KPNA5: variants seen among roughly 807,000 people sequenced by gnomAD.
KPNA5 encodes karyopherin subunit alpha 5.
In KPNA5, 46 loss-of-function variants were observed where a neutral mutation model predicts 71.3. The ratio of observed to expected loss-of-function variants is 0.65; its 90% CI spans 0.51 to 0.83. The LOEUF is 0.83. Among genes scored for constraint, KPNA5 ranks in the 40% least tolerant of loss-of-function variants. The probability of loss-of-function intolerance (pLI) is 0.00; values close to 1 mark genes in which losing one functional copy is unlikely to be tolerated. For missense variants in KPNA5, 547 were observed against 628.3 expected (o/e 0.87, Z 1.38); for synonymous variants, 207 against 201.4 (o/e 1.03, Z -0.24).
intron 2 of KPNA5, 114 bp from the exon 3 acceptor site, chr6:116,691,941 A>C (rs888265128): frequency 3.3e-5 from 23 of 705,812 alleles, no homozygotes; most frequent in Non-Finnish European, 5.0e-5. Context: ...TCAGAATTTT[A>C]AGTTATAAAA....
chr6:116,696,612 A>G (rs1246964592), intron 4 of KPNA5, among the ~76,000 whole-genome samples: 2 of 152,016 alleles, frequency 1.3e-5, no homozygotes, highest in Non-Finnish European at 2.9e-5. Context: ...ATCACAAACC[A>G]TCCTTTTCTT....
intron 4 of KPNA5, among the ~76,000 whole-genome samples, chr6:116,697,189 T>A (rs1046321532): frequency 1.3e-5 from 2 of 152,098 alleles, no homozygotes; most frequent in African/African-American, 4.8e-5. Context: ...TGCAACCCTA[T>A]AATTTTGTTT....
chr6:116,688,181 G>A (rs1389466117), intron 1 of KPNA5, among the ~76,000 whole-genome samples: 1 of 152,044 alleles, frequency 6.6e-6, no homozygotes, highest in African/African-American at 2.4e-5. Context: ...GGCACAATTA[G>A]TTGCCATATC....
chr6:116,732,074 T>TTA (rs2243369), intron 13 of KPNA5, 62 bp from the exon 14 acceptor site: 999 of 67,412 alleles, frequency 0.015, 48 homozygotes, highest in Non-Finnish European at 0.021. Flanking sequence ...AACAGTTTGT[T>TTA]TATATATATA....
intron 6 of KPNA5, among the ~76,000 whole-genome samples, chr6:116,703,261 A>G (rs927548810): frequency 3.3e-5 from 5 of 151,234 alleles, no homozygotes; most frequent in African/African-American, 1.2e-4. Context: ...GTCAAAAGAT[A>G]AATTTTTTTT....
At chr6:116,697,852 G>C (rs773799405) in intron 4 of KPNA5, among the ~76,000 whole-genome samples, 3 of 151,980 alleles carry the variant, frequency 2.0e-5, no homozygotes. Context: ...ATTTTAAAAG[G>C]TGTTAAAATA....
intron 8 of KPNA5, among the ~76,000 whole-genome samples, chr6:116,718,983 T>G (rs1779008279): frequency 6.6e-6 from 1 of 152,058 alleles, no homozygotes; most frequent in Non-Finnish European, 1.5e-5. Flanking sequence ...GCCAGGCTGG[T>G]GCCAGGTTGG....
intron 1 of KPNA5, among the ~76,000 whole-genome samples, chr6:116,685,109 C>T (rs150424881): frequency 3.3e-5 from 5 of 152,026 alleles, no homozygotes; most frequent in African/African-American, 1.2e-4. Flanking sequence ...TATTCATAAC[C>T]TCCAAAAACT....
intron 7 of KPNA5, among the ~76,000 whole-genome samples, chr6:116,710,053 C>T (rs1178242300): frequency 6.6e-6 from 1 of 152,196 alleles, no homozygotes. Context: ...GTCACTGTGC[C>T]TGACCTGTTT....
rs1386951762 is a variant in KPNA5 at position 116,733,676 on chromosome 6, G to A, written c.*1353G>A. On this transcript the variant is annotated 3_prime_UTR_variant, in exon 14 of 14. Coordinates refer to ENST00000368564, the MANE Select transcript of KPNA5 (RefSeq NM_001366306.2). ...TCAATCTTTTAATTTATAGTTATAC[G>A]TAGGCTATTTATGTGTCCAATTGTA... The A allele has an allele frequency of 4.0e-5, 6 of 151,354 alleles. No individual in the cohort carries two copies. The highest frequency in any genetic ancestry group is 4.2e-4 in the South Asian group (2 of 4,806). 9.4% of individuals were successfully genotyped at this position (151,354 alleles called of 1,614,324 possible).
At chr6:116,689,277 G>A in intron 1 of KPNA5, 43 bp from the exon 2 acceptor site, 2 of 1,581,242 alleles carry the variant, frequency 1.3e-6, no homozygotes, top group Non-Finnish European at 1.7e-6. Context: ...TGTTTTGAGA[G>A]AGTGAGTTAT....
intron 10 of KPNA5, among the ~76,000 whole-genome samples, chr6:116,724,579 TTTTA>T (rs146498207): frequency 0.18 from 27,677 of 151,876 alleles, 2,669 homozygotes; most frequent in East Asian, 0.3. Context: ...GTTACAATCT[TTTTA>T]TTTATTTAGT....
At chr6:116,729,137 T>A (rs1779384943) in intron 12 of KPNA5, among the ~76,000 whole-genome samples, 1 of 148,226 alleles carries the variant, frequency 6.7e-6, no homozygotes, top group African/African-American at 2.5e-5. Context: ...TTTCCATTTC[T>A]GTCTACCCCC....
chr6:116,728,066 A>G (rs545958146), intron 12 of KPNA5, among the ~76,000 whole-genome samples: 10 of 152,188 alleles, frequency 6.6e-5, no homozygotes, highest in East Asian at 1.9e-4. Flanking sequence ...TCAAATTTGT[A>G]TAGCTGTATA....
At chr6:116,681,681 C>G (rs867861270) in intron 1 of KPNA5, 2 of 350,084 alleles carry the variant, frequency 5.7e-6, no homozygotes, top group Middle Eastern at 1.1e-3. Context: ...CCACTCATAC[C>G]TGGTACCCAT....
In KPNA5 at chr6:116,711,538, A is replaced by ATGTG. The variant is rs143357784; in HGVS notation, c.657-4657_657-4654dup. 3.8e-3 allele frequency among the ~76,000 whole-genome samples: 547 copies of ATGTG among 143,520 alleles called. 2 individuals carry two copies. Among genetic ancestry groups the ATGTG allele is most frequent in the African/African-American group, 7.0e-3 (272 of 38,736 alleles). 94.2% of individuals were successfully genotyped at this position (143,520 alleles called of 152,430 possible). On this transcript the variant is annotated intron_variant, in intron 7 of 13. Coordinates refer to ENST00000368564, the MANE Select transcript of KPNA5 (RefSeq NM_001366306.2). ...ATTTATCTCAAAGTATTTTCTGCATATGTGTGTGTGTGTGTGTGTGTGTGT... is the reference window on the plus strand; with the variant it reads ...ATTTATCTCAAAGTATTTTCTGCATATGTGTGTGTGTGTGTGTGTGTGTGTGTGT...
chr6:116,697,137 G>A (rs1489707656), intron 4 of KPNA5, among the ~76,000 whole-genome samples: 2 of 151,880 alleles, frequency 1.3e-5, no homozygotes, highest in Admixed American at 6.6e-5. Context: ...TTTATGATTT[G>A]CTTTGGAAAT....
intron 13 of KPNA5, among the ~76,000 whole-genome samples, 163 bp downstream of exon 13, chr6:116,729,904 A>G (rs1302669978): frequency 1.3e-5 from 2 of 151,450 alleles, no homozygotes; most frequent in Admixed American, 6.6e-5. Context: ...TATTTTTATT[A>G]TTTACCTTTT....
rs972202060 is a variant in KPNA5 at position 116,681,565 on chromosome 6, T to G, written c.4+227T>G. On this transcript the variant is annotated intron_variant, in intron 1 of 13. Transcript: ENST00000368564. ...ACGCGAAGGCGTGGTGAGTTCAGATTCTTTCAGCAGGTCCTCTGGAGTGAT... is the reference window on the plus strand; with the variant it reads ...ACGCGAAGGCGTGGTGAGTTCAGATGCTTTCAGCAGGTCCTCTGGAGTGAT... 8 of 1,307,326 alleles carry G rather than the reference T, an allele frequency of 6.1e-6. No homozygotes were observed. In the African/African-American group the frequency reaches 1.2e-4, roughly 20 times the overall value. The allele number at this position is 1,307,326 out of a possible 1,614,324, so 81.0% of individuals were successfully genotyped here.
Sources: gnomAD v4.1 joint callset for allele counts (sites outside exome capture counted in the v4.1 genomes callset) on GRCh38, gnomAD v4.1.1 for gene constraint, MANE v1.5 for transcripts, NCBI Gene and HGNC (gene_info 2026-07-23, HGNC 2026-07-21) for gene names.